Variants in HSD17B12 observed in about 807,000 individuals in gnomAD.
HSD17B12 encodes hydroxysteroid 17-beta dehydrogenase 12, also known as very-long-chain 3-oxoacyl-CoA reductase.
Under a neutral mutation model 39.3 loss-of-function variants are expected in HSD17B12, and 32 were observed. That is an observed-to-expected ratio of 0.81 (90% confidence interval 0.61 to 1.09). The LOEUF (loss-of-function observed/expected upper bound fraction) is 1.09, where lower values mean the gene tolerates loss of function less well. HSD17B12 is among the 50% of genes least tolerant of loss of function. The probability of loss-of-function intolerance (pLI) is 0.00; values close to 1 mark genes in which losing one functional copy is unlikely to be tolerated. For missense variants in HSD17B12, 342 were observed against 382.9 expected, an observed-to-expected ratio of 0.89 and a Z score of 0.89; for synonymous variants, 150 against 146.7, an observed-to-expected ratio of 1.02 and a Z score of -0.16.
chr11:43,825,497 T>A (rs1442943508), intron 6 of HSD17B12, among the ~76,000 whole-genome samples: 3 of 152,172 alleles, frequency 2.0e-5, no homozygotes, highest in East Asian at 3.8e-4. Context: ...TGTATTTAAT[T>A]TAGGAATTAT....
intron 3 of HSD17B12, among the ~76,000 whole-genome samples, chr11:43,759,335 T>C (rs1950537414): frequency 6.6e-6 from 1 of 152,176 alleles, no homozygotes. Flanking sequence ...ATGGATTATA[T>C]GTAGTTAGTA....
At chr11:43,773,999 G>T (rs1652611742) in intron 3 of HSD17B12, among the ~76,000 whole-genome samples, 1 of 152,104 alleles carries the variant, frequency 6.6e-6, no homozygotes, top group Non-Finnish European at 1.5e-5. Context: ...AGGGATCCAG[G>T]TAGATCCTAG....
At chr11:43,714,667 A>G (rs1300741497) in intron 1 of HSD17B12, among the ~76,000 whole-genome samples, 5 of 152,176 alleles carry the variant, frequency 3.3e-5, no homozygotes, top group African/African-American at 1.2e-4. Context: ...GAAGAAAGTC[A>G]TTGGTAGCTT....
chr11:43,679,751 T>C (rs1949723251), upstream of HSD17B12, among the ~76,000 whole-genome samples: 1 of 152,216 alleles, frequency 6.6e-6, no homozygotes, highest in African/African-American at 2.4e-5. Context: ...GATGCCATCG[T>C]CTAACAGTTA....
At chr11:43,609,911 A>G in the HSD17B12 span, among the ~76,000 whole-genome samples, 1 of 152,190 alleles carries the variant, frequency 6.6e-6, no homozygotes, top group Non-Finnish European at 1.5e-5. Context: ...TTAGAGTATA[A>G]ATTATTAGTC....
intron 1 of HSD17B12, among the ~76,000 whole-genome samples, chr11:43,696,647 C>T (rs1652589110): frequency 1.3e-5 from 2 of 152,142 alleles, no homozygotes; most frequent in Admixed American, 1.3e-4. Flanking sequence ...ACCATGTGAG[C>T]AATCCCATTA....
chr11:43,569,097 A>T, the HSD17B12 span, among the ~76,000 whole-genome samples: 1 of 152,082 alleles, frequency 6.6e-6, no homozygotes, highest in East Asian at 1.9e-4. Flanking sequence ...CTTACTGGGG[A>T]GTTGAGATAT....
intron 1 of HSD17B12, among the ~76,000 whole-genome samples, chr11:43,747,290 G>C (rs1227113156): frequency 2.6e-5 from 4 of 152,204 alleles, no homozygotes; most frequent in Non-Finnish European, 5.9e-5. Context: ...AAGTGCCATA[G>C]ACTTAAAGAT....
chr11:43,812,966 C>T (rs1457257133), intron 4 of HSD17B12, among the ~76,000 whole-genome samples: 2 of 152,050 alleles, frequency 1.3e-5, no homozygotes, highest in Non-Finnish European at 2.9e-5. Flanking sequence ...CTCAGCCTCC[C>T]GAGTAGCTGG....
chr11:43,806,293 C>T (rs1286357851), intron 4 of HSD17B12: 1 of 152,176 alleles, frequency 6.6e-6, no homozygotes, highest in African/African-American at 2.4e-5. Flanking sequence ...GTTGGTCTTT[C>T]TGGTGTCCAA....
the HSD17B12 span, among the ~76,000 whole-genome samples, chr11:43,572,342 C>T: frequency 6.6e-6 from 1 of 152,144 alleles, no homozygotes; most frequent in African/African-American, 2.4e-5. Flanking sequence ...CGCTAACAGG[C>T]TTCTTAGGAG....
rs540812468 is a variant in HSD17B12 at position 43,833,993 on chromosome 11, A to T, written c.536+2983A>T. ...TTGCCATAACAACCATGGGAAAGCT[A>T]AAAATAGCCCCTTTCATAACTGTAT... On this transcript the variant is annotated intron_variant, in intron 7 of 10. Transcript: ENST00000278353. The T allele has an allele frequency of 2.6e-5, 4 of 152,326 alleles. No individual in the cohort carries two copies. In the East Asian group the frequency reaches 5.8e-4, roughly 22 times the overall value. The allele number at this position is 152,326 out of a possible 1,614,324, so 9.4% of individuals were successfully genotyped here.
At chr11:43,788,548 C>A (rs1233919618) in intron 3 of HSD17B12, among the ~76,000 whole-genome samples, 5 of 152,042 alleles carry the variant, frequency 3.3e-5, no homozygotes, top group Non-Finnish European at 7.4e-5. Flanking sequence ...CTTCCTCTTC[C>A]CACTGCTGTC....
intron 3 of HSD17B12, among the ~76,000 whole-genome samples, chr11:43,776,077 C>A (rs560035071): frequency 6.6e-6 from 1 of 151,992 alleles, no homozygotes; most frequent in East Asian, 1.9e-4. Context: ...CGTGTGCATG[C>A]GTCTTTATAG....
At chr11:43,659,863 C>A in the HSD17B12 span, among the ~76,000 whole-genome samples, 280 of 152,298 alleles carry the variant, frequency 1.8e-3, no homozygotes, top group Admixed American at 4.1e-3. Flanking sequence ...TTCAGCACTG[C>A]AGGCTGAGAC....
the HSD17B12 span, among the ~76,000 whole-genome samples, chr11:43,657,993 T>C: frequency 6.6e-6 from 1 of 152,268 alleles, no homozygotes; most frequent in Non-Finnish European, 1.5e-5. Context: ...CAGAGTGTTT[T>C]CCAACTTGGC....
At chr11:43,611,065 A>G in the HSD17B12 span, among the ~76,000 whole-genome samples, 12 of 152,240 alleles carry the variant, frequency 7.9e-5, no homozygotes, top group Non-Finnish European at 1.5e-4. Flanking sequence ...TATTATTTGC[A>G]TGCAGACTAT....
intron 2 of HSD17B12, among the ~76,000 whole-genome samples, chr11:43,751,514 G>A (rs1285469107): frequency 6.6e-6 from 1 of 152,188 alleles, no homozygotes; most frequent in Non-Finnish European, 1.5e-5. Flanking sequence ...TCTGGTCCCT[G>A]TGAAGGCACC....
upstream of HSD17B12, among the ~76,000 whole-genome samples, chr11:43,676,997 C>A (rs142705334): frequency 6.6e-6 from 1 of 152,006 alleles, no homozygotes; most frequent in Non-Finnish European, 1.5e-5. Context: ...AAGTTGAGGA[C>A]GAAGAGTGGT....
Sources: gnomAD v4.1 joint callset for allele counts (sites outside exome capture counted in the v4.1 genomes callset) on GRCh38, gnomAD v4.1.1 for gene constraint, MANE v1.5 for transcripts, NCBI Gene and HGNC (gene_info 2026-07-23, HGNC 2026-07-21) for gene names.